The following HSD17B13 variants were observed in gnomAD, a reference collection of about 807,000 sequenced individuals.
The protein encoded by HSD17B13 is hydroxysteroid 17-beta dehydrogenase 13, also known as 17-beta-hydroxysteroid dehydrogenase 13.
Under a neutral mutation model 31.1 loss-of-function variants are expected in HSD17B13, and 26 were observed. The ratio of observed to expected loss-of-function variants is 0.84; its 90% CI spans 0.61 to 1.16. HSD17B13 has a LOEUF of 1.16. Among genes scored for constraint, HSD17B13 ranks in the 50% most tolerant of loss-of-function variants. The probability of loss-of-function intolerance (pLI) is 0.00; values close to 1 mark genes in which losing one functional copy is unlikely to be tolerated. For synonymous variants in HSD17B13, 141 were observed against 133.7 expected, an observed-to-expected ratio of 1.05 and a Z score of -0.38; for missense variants, 374 against 366.5, an observed-to-expected ratio of 1.02 and a Z score of -0.17.
rs376596440 is a variant in HSD17B13, at chr4:87,322,667, G to A, written c.175C>T (p.Arg59Ter). Residue 59 changes from arginine (R) to a stop codon, truncating the protein, a stop_gained, in exon 1 of 7, where the codon CGA (arginine) becomes TGA (stop). Transcript: ENST00000328546. LOFTEE classifies it high-confidence loss of function. ...TCCCACAGAACCAATATGCTCTGTC[G>A]TTTTGCAAATTCATAAGTAGTCTGC... ...GRQTTYEFAK[R>*]QSILVLWDIN... The A allele has an allele frequency of 2.7e-5, 44 of 1,613,854 alleles. No individual in the cohort carries two copies. Among genetic ancestry groups the A allele is most frequent in the South Asian group, 1.5e-4 (14 of 91,080 alleles).
Position 87,317,188 on chromosome 4 carries a change from C to A in HSD17B13, c.354G>T (p.Val118=), listed in dbSNP as rs757620391. ...KKEVGDVTIV[V]NNAGTVYPAD... is the part of the protein sequence containing the mutation. ...CTGGATATACTGTCCCAGCATTATTCACCACGATTGTTACATCACCCACTT... is the reference window on the plus strand; with the variant it reads ...CTGGATATACTGTCCCAGCATTATTAACCACGATTGTTACATCACCCACTT... Residue 118 remains valine (V), a synonymous_variant, in exon 3 of 7, where the codon GTG becomes GTT. Coordinates refer to ENST00000328546, the MANE Select transcript of HSD17B13 (RefSeq NM_178135.5). 1 of 1,614,052 alleles carries A rather than the reference C, an allele frequency of 6.2e-7. No homozygotes were observed.
At chr4:87,316,336 C>CT (rs931940390) in intron 3 of HSD17B13, among the ~76,000 whole-genome samples, 32 of 152,224 alleles carry the variant, frequency 2.1e-4, no homozygotes, top group Admixed American at 5.2e-4. Context: ...CTATAGGTAG[C>CT]TAATGTATGA....
chr4:87,308,571 C>A (rs1246029814), intron 6 of HSD17B13, among the ~76,000 whole-genome samples: 1 of 125,880 alleles, frequency 7.9e-6, no homozygotes, highest in African/African-American at 2.8e-5. Flanking sequence ...GTCCCAGCAA[C>A]TAGGGAGGCT....
rs1466328353 is a variant in HSD17B13, at chr4:87,315,551, T to C, written c.499A>G (p.Ile167Val). 6.2e-7 allele frequency: 1 copy of C among 1,611,892 alleles called. No homozygotes were observed. Among genetic ancestry groups the C allele is most frequent in the Non-Finnish European group, 8.5e-7 (1 of 1,178,248 alleles). ...PSMMERNHGH[I>V]VTVASVCGHE... ...CCGCACACTGAAGCCACTGTGACGA[T>C]GTGGCCATGATTTCTCTCCATCATC... The change falls in exon 4 of 7, where the codon ATC becomes GTC. Residue 167 changes from isoleucine to valine, a missense_variant. Physicochemically the swap from Ile to Val is conservative, Grantham distance 29. Coordinates refer to ENST00000328546, the MANE Select transcript of HSD17B13 (RefSeq NM_178135.5).
intron 3 of HSD17B13, among the ~76,000 whole-genome samples, chr4:87,315,844 TC>T (rs1734639804): frequency 6.6e-6 from 1 of 152,176 alleles, no homozygotes; most frequent in South Asian, 2.1e-4. Context: ...TCAGAAGGAA[TC>T]AAATAGATCC....
chr4:87,314,323 A>T (rs1167648439), intron 4 of HSD17B13, among the ~76,000 whole-genome samples: 1 of 152,038 alleles, frequency 6.6e-6, no homozygotes. Context: ...GGAAAAATAC[A>T]TTTAGAAATT....
intron 5 of HSD17B13, among the ~76,000 whole-genome samples, chr4:87,313,216 C>T (rs759018781): frequency 1.4e-4 from 22 of 152,016 alleles, no homozygotes; most frequent in Non-Finnish European, 3.1e-4. Context: ...TCAAATGAGG[C>T]GGCACTCAAC....
intron 2 of HSD17B13, 72 bp from the exon 3 acceptor site, chr4:87,317,295 A>T: frequency 2.0e-6 from 3 of 1,476,902 alleles, no homozygotes; most frequent in Non-Finnish European, 2.8e-6. Flanking sequence ...AATATAATCC[A>T]AAGATGAGAG....
At chr4:87,318,511 A>G in intron 1 of HSD17B13, 75 bp from the exon 2 acceptor site, 10 of 1,275,532 alleles carry the variant, frequency 7.8e-6, no homozygotes, top group Non-Finnish European at 1.1e-5. Flanking sequence ...TTAGACAATT[A>G]ACATTCGGCT....
chr4:87,317,374 G>T, intron 2 of HSD17B13, 151 bp from the exon 3 acceptor site: 1 of 693,028 alleles, frequency 1.4e-6, no homozygotes, highest in Non-Finnish European at 2.4e-6. Flanking sequence ...AATCGTGGAG[G>T]CCAAGGGAAC....
chr4:87,319,031 AATT>A (rs1422845148), intron 1 of HSD17B13, among the ~76,000 whole-genome samples: 2 of 151,756 alleles, frequency 1.3e-5, no homozygotes, highest in African/African-American at 4.8e-5. Flanking sequence ...AAATACAAAA[AATT>A]AGCTGGGCGT....
At chr4:87,309,004 C>A (rs1734463180) in intron 6 of HSD17B13, among the ~76,000 whole-genome samples, 1 of 148,362 alleles carries the variant, frequency 6.7e-6, no homozygotes, top group East Asian at 1.9e-4. Context: ...AATATGAGAT[C>A]AAATTACAAA....
At chr4:87,314,641 T>TCA (rs1553956168) in intron 4 of HSD17B13, among the ~76,000 whole-genome samples, 12,489 of 142,052 alleles carry the variant, frequency 0.088, 704 homozygotes, top group African/African-American at 0.15. Flanking sequence ...TCTCTCTCTC[T>TCA]CACACACACA....
At chr4:87,320,294 ACT>A (rs2110104688) in intron 1 of HSD17B13, among the ~76,000 whole-genome samples, 1 of 150,202 alleles carries the variant, frequency 6.7e-6, no homozygotes, top group South Asian at 2.1e-4. Context: ...ACCACACCAT[ACT>A]CTCTCATTTG....
intron 2 of HSD17B13, among the ~76,000 whole-genome samples, chr4:87,318,064 A>G (rs1734695569): frequency 6.6e-6 from 1 of 152,216 alleles, no homozygotes; most frequent in African/African-American, 2.4e-5. Context: ...CCCTGATGAT[A>G]AATCTTTTGT....
chr4:87,316,739 G>A (rs547196902), intron 3 of HSD17B13, among the ~76,000 whole-genome samples: 6 of 152,144 alleles, frequency 3.9e-5, no homozygotes, highest in Admixed American at 2.0e-4. Flanking sequence ...AAATCATGGT[G>A]TGGAGGGAAA....
chr4:87,305,484 T>A (rs1734371752), intron 6 of HSD17B13, among the ~76,000 whole-genome samples, 176 bp from the exon 7 acceptor site: 3 of 146,202 alleles, frequency 2.1e-5, no homozygotes, highest in African/African-American at 7.7e-5. Context: ...TTCTTTTTCT[T>A]TTTTTTTTTT....
At chr4:87,312,802 G>GT (rs1275332659) in intron 5 of HSD17B13, among the ~76,000 whole-genome samples, 1 of 151,758 alleles carries the variant, frequency 6.6e-6, no homozygotes, top group Non-Finnish European at 1.5e-5. Context: ...GCTCACTCCT[G>GT]TAATCCCAGC....
chr4:87,305,267 T>G lies in HSD17B13; in HGVS notation c.854A>C (p.Gln285Pro), dbSNP rs1734363673. ...ERASAILNRM[Q>P]NIQFEAVVGH... The stretch of plus-strand genomic sequence containing the variant: ...AACCACTGCTTCAAATTGAATATTC[T>G]GCATACGATTTAAAATCGCTGAGGC... Residue 285 changes from glutamine to proline, a missense_variant, in exon 7 of 7, where the codon CAG becomes CCG. Gln to Pro is a moderately conservative substitution (Grantham distance 76). Transcript: ENST00000328546. 2 of 1,608,722 alleles carry G rather than the reference T, an allele frequency of 1.2e-6. No individual in the cohort carries two copies. Among genetic ancestry groups the G allele is most frequent in the South Asian group, 2.2e-5 (2 of 89,934 alleles).
Sources: allele counts gnomAD v4.1 joint callset (sites outside exome capture counted in the v4.1 genomes callset), GRCh38; gene constraint gnomAD v4.1.1; transcripts MANE v1.5; gene names NCBI Gene and HGNC (gene_info 2026-07-23, HGNC 2026-07-21).